The following ARV1 variants were observed in gnomAD, a reference collection of about 807,000 sequenced individuals.
ARV1 encodes ARV1 fatty acid homeostasis modulator.
In ARV1, 26 loss-of-function variants were observed where a neutral mutation model predicts 31.1. The ratio of observed to expected loss-of-function variants is 0.84; its 90% CI spans 0.61 to 1.16. The LOEUF (loss-of-function observed/expected upper bound fraction) is 1.16, where lower values mean the gene tolerates loss of function less well. ARV1 is among the 50% of genes most tolerant of loss of function. The pLI is 0.00. For synonymous variants in ARV1, 117 were observed against 123.2 expected, an observed-to-expected ratio of 0.95 and a Z score of 0.34; for missense variants, 281 against 324.9, an observed-to-expected ratio of 0.86 and a Z score of 1.04.
intron 5 of ARV1, among the ~76,000 whole-genome samples, chr1:230,997,838 A>G (rs1679412900): frequency 6.6e-6 from 1 of 152,098 alleles, no homozygotes; most frequent in African/African-American, 2.4e-5. Flanking sequence ...AGAGCCTCGC[A>G]GTGTTTCCTG....
intron 1 of ARV1, among the ~76,000 whole-genome samples, chr1:230,985,066 A>C (rs1003804375): frequency 6.6e-6 from 1 of 152,190 alleles, no homozygotes; most frequent in African/African-American, 2.4e-5. Flanking sequence ...TCTTACTTAC[A>C]TGAGAAGCAA....
At chr1:230,993,983 C>G (rs1326520597) in intron 3 of ARV1, among the ~76,000 whole-genome samples, 1 of 152,208 alleles carries the variant, frequency 6.6e-6, no homozygotes. Flanking sequence ...CACAATCATC[C>G]TCTGAGGTAG....
At chr1:230,982,145 G>A (rs570299258) in intron 1 of ARV1, among the ~76,000 whole-genome samples, 11 of 152,336 alleles carry the variant, frequency 7.2e-5, no homozygotes, top group Non-Finnish European at 1.5e-4. Flanking sequence ...CCAGAACAGC[G>A]ACTGACATTT....
intron 5 of ARV1, among the ~76,000 whole-genome samples, chr1:230,998,590 C>G (rs1679436314): frequency 3.3e-5 from 5 of 152,098 alleles, no homozygotes; most frequent in Admixed American, 3.3e-4. Flanking sequence ...CACCCAGAGT[C>G]TCTTGAACCT....
intron 3 of ARV1, among the ~76,000 whole-genome samples, chr1:230,991,689 T>G (rs1257327039): frequency 1.3e-5 from 2 of 149,924 alleles, no homozygotes; most frequent in Non-Finnish European, 3.0e-5. Flanking sequence ...TGGAGTGCAG[T>G]GGCGCGGTCT....
intron 1 of ARV1, 72 bp from the exon 2 acceptor site, chr1:230,988,248 C>G: frequency 7.3e-7 from 1 of 1,374,944 alleles, no homozygotes; most frequent in Non-Finnish European, 1.0e-6. Context: ...ATAGACTCTG[C>G]TGTTTTGAAA....
chr1:230,997,777 A>C (rs1307435886), intron 5 of ARV1, among the ~76,000 whole-genome samples: 1 of 152,028 alleles, frequency 6.6e-6, no homozygotes, highest in East Asian at 1.9e-4. Context: ...GCCTTCCATC[A>C]TACGTGCTTT....
chr1:230,998,330 C>T (rs1679429276), intron 5 of ARV1, among the ~76,000 whole-genome samples: 1 of 152,204 alleles, frequency 6.6e-6, no homozygotes, highest in Non-Finnish European at 1.5e-5. Flanking sequence ...ATCCTCCTTG[C>T]AAGTAGCGGC....
At chr1:230,992,663 C>T (rs1047590987) in intron 3 of ARV1, among the ~76,000 whole-genome samples, 17 of 152,330 alleles carry the variant, frequency 1.1e-4, no homozygotes, top group Admixed American at 6.5e-4. Flanking sequence ...CATTCATCCA[C>T]GCACTCTTAA....
chr1:230,989,976 C>A, intron 2 of ARV1, 134 bp from the exon 3 acceptor site: 1 of 860,842 alleles, frequency 1.2e-6, no homozygotes, highest in Non-Finnish European at 1.7e-6. Flanking sequence ...AAAATGACTA[C>A]AATTAGCCAC....
chr1:230,980,617 A>G (rs1408935105), intron 1 of ARV1, among the ~76,000 whole-genome samples: 2 of 152,160 alleles, frequency 1.3e-5, no homozygotes, highest in Non-Finnish European at 2.9e-5. Flanking sequence ...TACAGGCATG[A>G]GCCACTGCGA....
intron 4 of ARV1, among the ~76,000 whole-genome samples, chr1:230,996,422 TAC>T (rs1679368004): frequency 6.6e-6 from 1 of 152,164 alleles, no homozygotes; most frequent in Admixed American, 6.5e-5. Context: ...CCATATATTT[TAC>T]ATAGTGCTAT....
chr1:230,997,300 A>G, intron 5 of ARV1, 33 bp downstream of exon 5: 9 of 1,602,802 alleles, frequency 5.6e-6, no homozygotes, highest in Non-Finnish European at 7.7e-6. Flanking sequence ...ATGCATTCAG[A>G]CATGTAGCCT....
intron 3 of ARV1, among the ~76,000 whole-genome samples, chr1:230,994,786 C>T (rs1230329104): frequency 1.3e-5 from 2 of 152,092 alleles, no homozygotes; most frequent in African/African-American, 4.8e-5. Flanking sequence ...CCTTGTGATC[C>T]GCCTGCCTCG....
At chr1:230,997,326 A>G (rs1679399002) in intron 5 of ARV1, 59 bp downstream of exon 5, 2 of 1,567,472 alleles carry the variant, frequency 1.3e-6, no homozygotes, top group East Asian at 2.3e-5. Flanking sequence ...AATAAGACAG[A>G]TGTCATTGTA....
In ARV1 at chr1:230,989,588, C is replaced by T. The variant is rs1679174606; in HGVS notation, c.295-522C>T. Among the ~76,000 whole-genome samples, 3 of 152,154 alleles carry T rather than the reference C, an allele frequency of 2.0e-5. No individual in the cohort carries two copies. In the South Asian group the frequency reaches 6.2e-4, roughly 32 times the overall value. Reference sequence around the variant, plus strand: ...ATTGTTCTCTTTTAACATATTGAGTCATACTCATCCAGCTGGAGATATTTT... The same window carrying T: ...ATTGTTCTCTTTTAACATATTGAGTTATACTCATCCAGCTGGAGATATTTT... On this transcript the variant is annotated intron_variant, in intron 2 of 5. Coordinates refer to ENST00000310256, the MANE Select transcript of ARV1 (RefSeq NM_022786.3).
Position 230,990,526 on chromosome 1 carries a change from C to T in ARV1, c.448+263C>T, listed in dbSNP as rs1679199882. On this transcript the variant is annotated intron_variant, in intron 3 of 5. Transcript: ENST00000310256. Reference sequence around the variant, plus strand: ...AAGTTTCATAAAATATTTCGAAGCACAATATTGTTGATAAAATTCTTTTAT... The same window carrying T: ...AAGTTTCATAAAATATTTCGAAGCATAATATTGTTGATAAAATTCTTTTAT... 11 of 342,306 alleles carry T rather than the reference C, an allele frequency of 3.2e-5. No homozygotes were observed. The South Asian group carries it at 3.9e-4, about 12-fold the overall frequency. The allele number at this position is 342,306 out of a possible 1,614,324, so 21.2% of individuals were successfully genotyped here. A position where few individuals can be genotyped will look rare whatever the true frequency, so the allele number is the denominator to read the frequency against.
rs74392794 is a variant in ARV1, at chr1:230,997,963, C to G, written c.*4+696C>G. On this transcript the variant is annotated intron_variant, in intron 5 of 5. Transcript: ENST00000310256. ...AGGGCCATACCTCGATTGTTCTGTT[C>G]TGGTCGTCCCCTTTGTCTGCTCTGA... Among the ~76,000 whole-genome samples the G allele has an allele frequency of 5.0e-3, 760 of 152,330 alleles. 28 individuals are homozygous for G. The East Asian group carries it at 0.091, about 18-fold the overall frequency.
chr1:230,980,538 T>G (rs1229951792), intron 1 of ARV1, among the ~76,000 whole-genome samples: 1 of 152,056 alleles, frequency 6.6e-6, no homozygotes, highest in Non-Finnish European at 1.5e-5. Flanking sequence ...GGTTTCACCA[T>G]GTTGACCAGG....
Sources: allele counts gnomAD v4.1 joint callset (sites outside exome capture counted in the v4.1 genomes callset), GRCh38; gene constraint gnomAD v4.1.1; transcripts MANE v1.5; gene names NCBI Gene and HGNC (gene_info 2026-07-23, HGNC 2026-07-21).